DYNC2I1: variants seen among roughly 807,000 people sequenced by gnomAD.
DYNC2I1 encodes the protein cytoplasmic dynein 2 intermediate chain 1.
Under a neutral mutation model 133.4 loss-of-function variants are expected in DYNC2I1, and 89 were observed. The ratio of observed to expected loss-of-function variants is 0.67; its 90% confidence interval spans 0.56 to 0.80. DYNC2I1 has a LOEUF of 0.80. DYNC2I1 is among the 30% of genes least tolerant of loss of function. The pLI is 0.00. For synonymous variants in DYNC2I1, 504 were observed against 484.3 expected, an observed-to-expected ratio of 1.04 and a Z score of -0.54; for missense variants, 1,291 against 1,314.5, an observed-to-expected ratio of 0.98 and a Z score of 0.28.
At chr7:158,944,288 A>G (rs1040785915) in intron 24 of DYNC2I1, among the ~76,000 whole-genome samples, 4 of 151,822 alleles carry the variant, frequency 2.6e-5, no homozygotes, top group African/African-American at 9.7e-5. Flanking sequence ...CTTTGCTTGG[A>G]TTCTGTCTAC....
At chr7:158,902,861 C>G (rs1034004717) in intron 10 of DYNC2I1, 3 of 421,150 alleles carry the variant, frequency 7.1e-6, no homozygotes, top group Non-Finnish European at 1.3e-5. Flanking sequence ...CTGAGGGTGC[C>G]GTGGCCCCAC....
rs141233540 is a variant in DYNC2I1 at position 158,922,361 on chromosome 7, T to C, written c.1922-16T>C. ...GGCAGGTCGTTGAAATGTGAACATA[T>C]TTTTCTTCTCCCTAGATCGAAAAGT... On this transcript the variant is annotated splice_polypyrimidine_tract_variant and intron_variant, in intron 15 of 24. Coordinates refer to ENST00000407559, the MANE Select transcript of DYNC2I1 (RefSeq NM_018051.5). The C allele has an allele frequency of 3.3e-4, 533 of 1,606,988 alleles. No individual in the cohort carries two copies. In the African/African-American group the frequency reaches 6.6e-3, roughly 20 times the overall value.
At chr7:158,948,306 C>T (rs546073923), downstream of DYNC2I1, among the ~76,000 whole-genome samples, 8 of 152,376 alleles carry the variant, frequency 5.3e-5, no homozygotes, top group East Asian at 1.4e-3. Context: ...CACCCTGGTG[C>T]CTTGCTGCAC....
At chr7:158,857,518 G>A (rs1841390207) in intron 1 of DYNC2I1, among the ~76,000 whole-genome samples, 1 of 138,884 alleles carries the variant, frequency 7.2e-6, no homozygotes, top group African/African-American at 2.8e-5. Context: ...TGTATTTTAT[G>A]TTATATAAAC....
rs189717046 is a variant in DYNC2I1, at chr7:158,951,318, T to C, written c.*57-5265T>C. ...CTTTCCTTCTACTTGGCAGGGACCC[T>C]GCCCCCATCATCAGGCACAGCTGGG... On this transcript the variant is annotated intron_variant and NMD_transcript_variant, in intron 4 of 4. Coordinates refer to the DYNC2I1 transcript ENST00000454771. Among the ~76,000 whole-genome samples the C allele has an allele frequency of 9.1e-4, 138 of 152,370 alleles. 1 individual carries two copies. The East Asian group carries it at 0.025, about 28-fold the overall frequency.
intron 1 of DYNC2I1, among the ~76,000 whole-genome samples, chr7:158,866,069 C>T (rs1359917812): frequency 2.6e-5 from 4 of 151,104 alleles, no homozygotes; most frequent in East Asian, 3.9e-4. Flanking sequence ...CTCTTGTCTT[C>T]AGGGTTTTTA....
chr7:158,902,636 G>A (rs1035841879), intron 10 of DYNC2I1, 41 bp downstream of exon 10: 9 of 1,587,224 alleles, frequency 5.7e-6, no homozygotes, highest in East Asian at 2.2e-5. Context: ...GTGCTCTTAG[G>A]GCTCTGTGTA....
intron 11 of DYNC2I1, 109 bp downstream of exon 11, chr7:158,906,200 T>C (rs1410983694): frequency 2.1e-6 from 2 of 931,850 alleles, no homozygotes; most frequent in African/African-American, 1.7e-5. Flanking sequence ...TACTGTTTTT[T>C]GGGGTGTATG....
upstream of DYNC2I1, chr7:158,856,474 C>T (rs957107367): frequency 1.3e-5 from 5 of 381,082 alleles, no homozygotes; most frequent in Non-Finnish European, 2.3e-5. Context: ...GGAGGGGCCG[C>T]GGGCACGCCG....
Position 158,871,164 on chromosome 7 carries a change from A to G in DYNC2I1, c.92A>G (p.Lys31Arg). 6.2e-7 allele frequency: 1 copy of G among 1,613,310 alleles called. No homozygotes were observed. Among genetic ancestry groups the G allele is most frequent in the Non-Finnish European group, 8.5e-7 (1 of 1,179,554 alleles). The change falls in exon 3 of 25, where the codon AAG becomes AGG. Residue 31 changes from lysine to arginine, a missense_variant. Physicochemically the swap from Lys to Arg is conservative, Grantham distance 26. Coordinates refer to ENST00000407559, the MANE Select transcript of DYNC2I1 (RefSeq NM_018051.5). ...HLWAIQSGGS[K>R]EERKHREKKL... Reference sequence around the variant, plus strand: ...CAGGCCATACAGTCAGGTGGTTCCAAGGAAGAAAGAAAGCACAGAGAGAAG... The same window carrying G: ...CAGGCCATACAGTCAGGTGGTTCCAGGGAAGAAAGAAAGCACAGAGAGAAG...
chr7:158,913,597 T>C (rs1294776480), intron 13 of DYNC2I1, among the ~76,000 whole-genome samples: 1 of 152,268 alleles, frequency 6.6e-6, no homozygotes, highest in Non-Finnish European at 1.5e-5. Flanking sequence ...CTCAAGGAAT[T>C]GCCTCTGTAT....
At chr7:158,944,870 G>A (rs11772349) in intron 24 of DYNC2I1, among the ~76,000 whole-genome samples, 22,205 of 152,180 alleles carry the variant, frequency 0.15, 1,806 homozygotes, top group Non-Finnish European at 0.17. Flanking sequence ...GGTGCCAGGA[G>A]TGTGAGCCGT....
Position 158,868,745 on chromosome 7 carries a change from C to T in DYNC2I1, c.16-1110C>T, listed in dbSNP as rs185942155. On this transcript the variant is annotated intron_variant, in intron 1 of 24. Transcript: ENST00000407559. ...TCTGCCGATCCTTGAGCATTCAGTC[C>T]ACAGGTGTCGTTTCTGTTCCTGATT... Among the ~76,000 whole-genome samples the T allele has an allele frequency of 8.5e-5, 13 of 152,328 alleles. No individual in the cohort carries two copies. In the East Asian group the frequency reaches 2.5e-3, roughly 29 times the overall value.
At chr7:158,947,717 C>T (rs1477776519), downstream of DYNC2I1, among the ~76,000 whole-genome samples, 1 of 152,234 alleles carries the variant, frequency 6.6e-6, no homozygotes, top group African/African-American at 2.4e-5. Context: ...TGGGGGCTCA[C>T]TCCCCCCTCT....
chr7:158,914,233 G>A lies in DYNC2I1; in HGVS notation c.1703G>A (p.Gly568Asp), dbSNP rs1382486070. Residue 568 changes from glycine (G) to aspartate (D), a missense_variant and splice_region_variant, in exon 14 of 25, where the codon GGC (glycine) becomes GAC (aspartate). Coordinates refer to ENST00000407559, the MANE Select transcript of DYNC2I1 (RefSeq NM_018051.5). ...HPGESTVVSG[G>D]SEQRDTSDAV... The stretch of plus-strand genomic sequence containing the variant: ...ATTTTATATAAACTGTTTTTTTTAG[G>A]CAGTGAACAAAGAGATACCTCTGAT... The A allele has an allele frequency of 6.2e-7, 1 of 1,606,754 alleles. No individual in the cohort carries two copies. Among genetic ancestry groups the A allele is most frequent in the African/African-American group, 1.3e-5 (1 of 74,636 alleles).
chr7:158,947,858 C>T (rs1179470644), downstream of DYNC2I1, among the ~76,000 whole-genome samples: 3 of 152,264 alleles, frequency 2.0e-5, no homozygotes, highest in East Asian at 1.9e-4. Flanking sequence ...GGCCATTGGG[C>T]GGCTTCTGCC....
intron 23 of DYNC2I1, among the ~76,000 whole-genome samples, chr7:158,937,980 A>T (rs2129488277): frequency 6.6e-6 from 1 of 152,330 alleles, no homozygotes; most frequent in Non-Finnish European, 1.5e-5. Context: ...AAGACAGAAA[A>T]TAACCACAAA....
chr7:158,924,261 G>A (rs985740625), intron 17 of DYNC2I1, among the ~76,000 whole-genome samples: 1 of 152,236 alleles, frequency 6.6e-6, no homozygotes, highest in African/African-American at 2.4e-5. Context: ...TGATAGCCCT[G>A]TATCCTAGCT....
At chr7:158,935,569 G>A (rs1850669762) in intron 23 of DYNC2I1, among the ~76,000 whole-genome samples, 1 of 152,152 alleles carries the variant, frequency 6.6e-6, no homozygotes, top group Non-Finnish European at 1.5e-5. Flanking sequence ...ATGTTTATAT[G>A]TCAGTCACAT....
Sources: gnomAD v4.1 joint callset for allele counts (sites outside exome capture counted in the v4.1 genomes callset) on GRCh38, gnomAD v4.1.1 for gene constraint, MANE v1.5 for transcripts, NCBI Gene and HGNC (gene_info 2026-07-23, HGNC 2026-07-21) for gene names.